The following CDH4 variants were observed in gnomAD, a reference collection of about 807,000 sequenced individuals.
The protein encoded by CDH4 is cadherin 4.
A neutral mutation model predicts 86.0 loss-of-function variants in CDH4; 33 were observed. That is an observed-to-expected ratio of 0.38 (90% CI 0.29 to 0.51). The LOEUF (loss-of-function observed/expected upper bound fraction) is 0.51, where lower values mean the gene tolerates loss of function less well. Ranked by LOEUF, CDH4 falls within the 20% of genes least tolerant of loss-of-function variation. The pLI, the probability that CDH4 is intolerant of heterozygous loss-of-function variation, is 0.86. For missense variants in CDH4, 1,114 were observed against 1,307.4 expected, an observed-to-expected ratio of 0.85 and a Z score of 2.28; for synonymous variants, 555 against 549.4, an observed-to-expected ratio of 1.01 and a Z score of -0.14.
intron 2 of CDH4, among the ~76,000 whole-genome samples, chr20:61,400,427 A>G (rs2085043147): frequency 6.6e-6 from 1 of 152,188 alleles, no homozygotes; most frequent in African/African-American, 2.4e-5. Context: ...AGTTCAGGGA[A>G]GAGGACCCAG....
intron 2 of CDH4, among the ~76,000 whole-genome samples, chr20:61,652,232 T>G (rs1402323802): frequency 6.6e-6 from 1 of 152,208 alleles, no homozygotes; most frequent in Non-Finnish European, 1.5e-5. Context: ...AACCCCAGTA[T>G]CCACGTGAAA....
At chr20:61,360,420 G>C (rs1480891070) in intron 2 of CDH4, among the ~76,000 whole-genome samples, 1 of 152,160 alleles carries the variant, frequency 6.6e-6, no homozygotes, top group Non-Finnish European at 1.5e-5. Flanking sequence ...TGTGTCTCAG[G>C]TATGAGCCTC....
At chr20:61,401,732 C>T (rs1010734249) in intron 2 of CDH4, among the ~76,000 whole-genome samples, 3 of 152,198 alleles carry the variant, frequency 2.0e-5, no homozygotes, top group Admixed American at 2.0e-4. Flanking sequence ...GAATTCTACA[C>T]ATCTGTAGAT....
intron 2 of CDH4, among the ~76,000 whole-genome samples, chr20:61,302,135 T>G (rs1435385863): frequency 6.6e-6 from 1 of 152,196 alleles, no homozygotes; most frequent in African/African-American, 2.4e-5. Context: ...GTGCCCCTTT[T>G]GTGGGGAGAG....
chr20:61,933,253 C>A, intron 14 of CDH4, 129 bp downstream of exon 14: 1 of 1,192,666 alleles, frequency 8.4e-7, no homozygotes, highest in South Asian at 1.5e-5. Context: ...AGGTGCCAGG[C>A]AGGGGCGCAC....
At position 61,923,693 on chromosome 20, in the gene CDH4, G is replaced by T; in HGVS notation, c.1617G>T (p.Gln539His). 6.2e-7 allele frequency: 1 copy of T among 1,613,522 alleles called. No homozygotes were observed. Residue 539 changes from glutamine to histidine, a missense_variant, in exon 10 of 16, where the codon CAG becomes CAT. By Grantham distance (24) the Gln-to-His change is conservative. Transcript: ENST00000614565. ...FSAVDPDRFM[Q>H]QAVRYSKLSD... ...CTGTGGACCCTGACCGGTTCATGCA[G>T]CAGGCTGTGAGGTGGGTGCACAGGA...
intron 7 of CDH4, among the ~76,000 whole-genome samples, chr20:61,880,646 C>A (rs569967355): frequency 4.4e-4 from 67 of 152,334 alleles, no homozygotes; most frequent in African/African-American, 1.5e-3. Context: ...GACCCCAGGC[C>A]AGCAGGTCAC....
intron 4 of CDH4, among the ~76,000 whole-genome samples, chr20:61,828,862 G>A (rs148389035): frequency 1.3e-5 from 2 of 152,234 alleles, no homozygotes; most frequent in East Asian, 1.9e-4. Context: ...TTTCCTGGAA[G>A]ACAATTTTCC....
At chr20:61,673,620 A>T (rs779195766) in intron 2 of CDH4, among the ~76,000 whole-genome samples, 1 of 152,206 alleles carries the variant, frequency 6.6e-6, no homozygotes, top group Non-Finnish European at 1.5e-5. Context: ...CCGTTCTTGA[A>T]TATTTATCCA....
intron 2 of CDH4, among the ~76,000 whole-genome samples, chr20:61,359,292 G>T (rs1037973324): frequency 1.3e-5 from 2 of 152,146 alleles, no homozygotes; most frequent in Non-Finnish European, 2.9e-5. Context: ...GGACTACGAG[G>T]TCACTCATTT....
intron 8 of CDH4, among the ~76,000 whole-genome samples, chr20:61,898,933 G>T (rs1364480253): frequency 2.0e-5 from 3 of 152,310 alleles, no homozygotes; most frequent in African/African-American, 4.8e-5. Flanking sequence ...TCCCGTCTCG[G>T]TCTTTCATAG....
chr20:61,658,046 C>G (rs1004312292), intron 2 of CDH4, among the ~76,000 whole-genome samples: 1 of 152,116 alleles, frequency 6.6e-6, no homozygotes, highest in Non-Finnish European at 1.5e-5. Flanking sequence ...ATTTCACCAG[C>G]TAATAAGTCT....
intron 2 of CDH4, among the ~76,000 whole-genome samples, chr20:61,318,075 G>A (rs1207577922): frequency 6.6e-6 from 1 of 152,160 alleles, no homozygotes; most frequent in Non-Finnish European, 1.5e-5. Context: ...CGTCCCGGCT[G>A]GAGGGACACT....
At chr20:61,768,663 G>T (rs2088731777) in intron 3 of CDH4, among the ~76,000 whole-genome samples, 1 of 152,182 alleles carries the variant, frequency 6.6e-6, no homozygotes, top group South Asian at 2.1e-4. Context: ...GTGTTCAAAA[G>T]AACATGCTTG....
intron 2 of CDH4, among the ~76,000 whole-genome samples, chr20:61,547,187 G>A (rs1391097191): frequency 7.4e-6 from 1 of 135,772 alleles, no homozygotes; most frequent in Non-Finnish European, 1.6e-5. Flanking sequence ...CACATACTCA[G>A]CCCCAGAGCT....
In CDH4 at chr20:61,254,919, G is replaced by C. The variant is rs1267298793; in HGVS notation, c.151G>C (p.Gly51Arg). 1.9e-6 allele frequency: 3 copies of C among 1,608,342 alleles called. No homozygotes were observed. The Admixed American group carries it at 5.0e-5, about 27-fold the overall frequency. Residue 51 changes from glycine (G) to arginine (R), a missense_variant, in exon 2 of 16, where the codon GGG becomes CGG. Transcript: ENST00000614565. ...TALISQNILE[G>R]EKLLQVKFSS... Reference sequence around the variant, plus strand: ...ATTAATCTCCCAAAATATTCTAGAAGGGGAAAAGCTACTTCAAGGTAAGGC... The same window carrying C: ...ATTAATCTCCCAAAATATTCTAGAACGGGAAAAGCTACTTCAAGGTAAGGC...
chr20:61,398,588 G>T (rs544459942), intron 2 of CDH4, among the ~76,000 whole-genome samples: 3 of 152,320 alleles, frequency 2.0e-5, no homozygotes, highest in African/African-American at 7.2e-5. Flanking sequence ...CCTCTTCTAG[G>T]GAGCCGAGTC....
At chr20:61,915,831 T>C (rs1349638758) in intron 9 of CDH4, among the ~76,000 whole-genome samples, 1 of 152,204 alleles carries the variant, frequency 6.6e-6, no homozygotes, top group Non-Finnish European at 1.5e-5. Context: ...CGTGCTTCCG[T>C]ACACTTGTTA....
At chr20:61,313,815 CA>C (rs2084461587) in intron 2 of CDH4, among the ~76,000 whole-genome samples, 1 of 152,238 alleles carries the variant, frequency 6.6e-6, no homozygotes, top group Admixed American at 6.5e-5. Context: ...TAGCCCACTA[CA>C]GCCTCAAACT....
Sources: allele counts gnomAD v4.1 joint callset (sites outside exome capture counted in the v4.1 genomes callset), GRCh38; gene constraint gnomAD v4.1.1; transcripts MANE v1.5; gene names NCBI Gene and HGNC (gene_info 2026-07-23, HGNC 2026-07-21).